The following NRG3 variants were observed in gnomAD, a reference collection of about 807,000 sequenced individuals.
NRG3 encodes neuregulin 3.
A neutral mutation model predicts 66.9 loss-of-function variants in NRG3; 31 were observed. That is an observed-to-expected ratio of 0.46 (90% CI 0.35 to 0.63). The LOEUF is 0.63. Among genes scored for constraint, NRG3 ranks in the 20% least tolerant of loss-of-function variants. The pLI, the probability that NRG3 is intolerant of heterozygous loss-of-function variation, is 0.00. For synonymous variants in NRG3, 393 were observed against 359.4 expected (o/e 1.09, Z -1.06); for missense variants, 910 against 878.9 (o/e 1.04, Z -0.45).
At chr10:82,547,742 T>G (rs1484988257) in intron 2 of NRG3, among the ~76,000 whole-genome samples, 3 of 151,932 alleles carry the variant, frequency 2.0e-5, no homozygotes, top group Non-Finnish European at 2.9e-5. Flanking sequence ...AGACTCCAGT[T>G]CTCCCTCAGC....
chr10:82,529,161 T>C (rs139656355), intron 2 of NRG3, among the ~76,000 whole-genome samples: 352 of 152,352 alleles, frequency 2.3e-3, no homozygotes, highest in African/African-American at 8.0e-3. Flanking sequence ...CTTTGTAAGG[T>C]AGCAGGCAGA....
intron 1 of NRG3, among the ~76,000 whole-genome samples, chr10:82,274,242 T>C (rs952398954): frequency 2.0e-5 from 3 of 151,996 alleles, no homozygotes; most frequent in African/African-American, 7.2e-5. Context: ...TGTGAAAAAA[T>C]TTTAGCATAG....
chr10:82,931,299 A>ATAC (rs2132162315), intron 4 of NRG3, among the ~76,000 whole-genome samples: 1 of 152,310 alleles, frequency 6.6e-6, no homozygotes, highest in East Asian at 1.9e-4. Flanking sequence ...TATTTTTGAG[A>ATAC]TACTTTCCAT....
chr10:82,842,323 C>T (rs1289865290), intron 3 of NRG3, among the ~76,000 whole-genome samples: 2 of 152,198 alleles, frequency 1.3e-5, no homozygotes, highest in Non-Finnish European at 2.9e-5. Context: ...AGTGATGCCT[C>T]ATACAGAACT....
chr10:82,653,952 T>C (rs987984282), intron 2 of NRG3, among the ~76,000 whole-genome samples: 3 of 152,226 alleles, frequency 2.0e-5, no homozygotes, highest in African/African-American at 7.2e-5. Context: ...GATTACGTAC[T>C]ACTGCGGGTG....
chr10:82,232,286 T>G (rs1003984117), intron 1 of NRG3: 4 of 154,328 alleles, frequency 2.6e-5, no homozygotes, highest in African/African-American at 9.7e-5. Flanking sequence ...TAAATTAACG[T>G]CTTATGATGC....
chr10:82,670,439 C>T (rs1258617376), intron 2 of NRG3, among the ~76,000 whole-genome samples: 7 of 152,098 alleles, frequency 4.6e-5, no homozygotes, highest in Admixed American at 4.6e-4. Flanking sequence ...AGCTCAGTCA[C>T]GCTTATTATT....
intron 2 of NRG3, among the ~76,000 whole-genome samples, chr10:82,667,914 AC>A (rs1259135340): frequency 6.6e-6 from 1 of 152,240 alleles, no homozygotes; most frequent in Non-Finnish European, 1.5e-5. Context: ...TGCAAAGCTG[AC>A]AACATTCCAA....
chr10:82,680,127 C>T (rs763501447), intron 2 of NRG3, among the ~76,000 whole-genome samples: 11 of 152,130 alleles, frequency 7.2e-5, no homozygotes, highest in Non-Finnish European at 1.0e-4. Context: ...CTTATATTAA[C>T]ATCATATAAC....
intron 2 of NRG3, among the ~76,000 whole-genome samples, chr10:82,365,901 T>G (rs2084490181): frequency 6.6e-6 from 1 of 152,248 alleles, no homozygotes; most frequent in South Asian, 2.1e-4. Flanking sequence ...CTTCTGTGAT[T>G]AGTGGCTCTA....
chr10:82,134,887 C>G (rs1480425361), intron 1 of NRG3, among the ~76,000 whole-genome samples: 1 of 151,956 alleles, frequency 6.6e-6, no homozygotes, highest in Non-Finnish European at 1.5e-5. Context: ...CTTTGGGAGG[C>G]TGAGGCAGGC....
At chr10:82,538,394 TTTAG>T (rs1473194545) in intron 2 of NRG3, among the ~76,000 whole-genome samples, 2 of 152,310 alleles carry the variant, frequency 1.3e-5, no homozygotes, top group East Asian at 1.9e-4. Flanking sequence ...CAACTAGAAA[TTTAG>T]TTAAACACAA....
At chr10:81,932,029 A>G (rs1444777325) in intron 1 of NRG3, among the ~76,000 whole-genome samples, 1 of 152,174 alleles carries the variant, frequency 6.6e-6, no homozygotes, top group Non-Finnish European at 1.5e-5. Context: ...TAATTGGCTC[A>G]TAGTTCTGCA....
At position 82,228,780 on chromosome 10, in the gene NRG3, A is replaced by C. The variant is rs1042983476; in HGVS notation, c.824-129959A>C. ...GAAAGGCTCCAGAGCCCAGTATGCCATTTCAGAAGTAGATGGTATGCCCTT... is the reference window on the plus strand; with the variant it reads ...GAAAGGCTCCAGAGCCCAGTATGCCCTTTCAGAAGTAGATGGTATGCCCTT... On this transcript the variant is annotated intron_variant, in intron 1 of 8. Coordinates refer to ENST00000372141, the MANE Select transcript of NRG3 (RefSeq NM_001010848.4). The C allele has an allele frequency of 7.7e-4, 117 of 152,354 alleles. 1 individual carries two copies. The highest frequency in any genetic ancestry group is 2.8e-3 in the African/African-American group (115 of 41,582). The allele number at this position is 152,354 out of a possible 1,614,324, so 9.4% of individuals were successfully genotyped here. A position where few individuals can be genotyped will look rare whatever the true frequency, so the allele number is the denominator to read the frequency against.
chr10:82,951,715 TG>T (rs1849529514), intron 5 of NRG3, 144 bp downstream of exon 5: 2 of 662,702 alleles, frequency 3.0e-6, no homozygotes, highest in South Asian at 3.7e-5. Flanking sequence ...AGGACATTTT[TG>T]TAAATTGTGG....
At chr10:82,297,884 G>C (rs1306644249) in intron 1 of NRG3, among the ~76,000 whole-genome samples, 1 of 152,094 alleles carries the variant, frequency 6.6e-6, no homozygotes, top group Non-Finnish European at 1.5e-5. Context: ...GCTTGCTCCT[G>C]TAATCCCAGC....
intron 2 of NRG3, among the ~76,000 whole-genome samples, chr10:82,531,748 A>G (rs1847294373): frequency 6.6e-6 from 1 of 151,840 alleles, no homozygotes; most frequent in Non-Finnish European, 1.5e-5. Flanking sequence ...ACGTATTTTC[A>G]CCTTCACCTA....
intron 1 of NRG3, among the ~76,000 whole-genome samples, chr10:82,110,616 T>C (rs1265652980): frequency 6.6e-6 from 1 of 151,902 alleles, no homozygotes; most frequent in African/African-American, 2.4e-5. Context: ...TTTTTTTTAA[T>C]AAGTGAGATT....
At chr10:82,515,510 A>G (rs1483572730) in intron 2 of NRG3, among the ~76,000 whole-genome samples, 1 of 152,140 alleles carries the variant, frequency 6.6e-6, no homozygotes. Context: ...GTTTTCCTTT[A>G]GTTACTATAC....
Sources: gnomAD v4.1 joint callset for allele counts (sites outside exome capture counted in the v4.1 genomes callset) on GRCh38, gnomAD v4.1.1 for gene constraint, MANE v1.5 for transcripts, NCBI Gene and HGNC (gene_info 2026-07-23, HGNC 2026-07-21) for gene names.